DEPDC5: variants seen among roughly 807,000 people sequenced by gnomAD.
The protein encoded by DEPDC5 is GATOR1 complex protein DEPDC5.
A neutral mutation model predicts 217.3 loss-of-function variants in DEPDC5; 73 were observed. That is an observed-to-expected ratio of 0.34 (90% CI 0.28 to 0.41). DEPDC5 has a LOEUF of 0.41. Among genes scored for constraint, DEPDC5 ranks in the 10% least tolerant of loss-of-function variants. The pLI, the probability that DEPDC5 is intolerant of heterozygous loss-of-function variation, is 1.00. For synonymous variants in DEPDC5, 733 were observed against 756.7 expected (o/e 0.97, Z 0.51); for missense variants, 1,675 against 2,070.1 (o/e 0.81, Z 3.70).
chr22:31,764,804 T>C (rs911053569), intron 4 of DEPDC5, among the ~76,000 whole-genome samples, 171 bp from the exon 5 acceptor site: 2 of 152,176 alleles, frequency 1.3e-5, no homozygotes, highest in African/African-American at 4.8e-5. Flanking sequence ...TTATTTCACC[T>C]AAAAAGCAGA....
chr22:31,870,459 G>C, intron 33 of DEPDC5, 131 bp from the exon 34 acceptor site: 1 of 1,034,906 alleles, frequency 9.7e-7, no homozygotes, highest in Non-Finnish European at 1.3e-6. Flanking sequence ...GAGCAGAATG[G>C]GAAGGATTGC....
intron 33 of DEPDC5, among the ~76,000 whole-genome samples, chr22:31,866,361 T>C (rs1484810761): frequency 6.6e-6 from 1 of 152,144 alleles, no homozygotes; most frequent in Non-Finnish European, 1.5e-5. Flanking sequence ...TCTCTTCTAA[T>C]CTGTGACTGT....
intron 32 of DEPDC5, among the ~76,000 whole-genome samples, chr22:31,860,047 A>C (rs2092454594): frequency 6.6e-6 from 1 of 152,214 alleles, no homozygotes; most frequent in Non-Finnish European, 1.5e-5. Context: ...AAGCAGAGAA[A>C]TTATAGTCGC....
At chr22:31,864,589 C>G (rs997841547) in intron 33 of DEPDC5, among the ~76,000 whole-genome samples, 1 of 147,532 alleles carries the variant, frequency 6.8e-6, no homozygotes, top group Non-Finnish European at 1.5e-5. Flanking sequence ...AAAATAATTT[C>G]TTTGTAGGGT....
At chr22:31,834,458 T>G (rs1473632358) in intron 25 of DEPDC5, among the ~76,000 whole-genome samples, 1 of 152,104 alleles carries the variant, frequency 6.6e-6, no homozygotes, top group Non-Finnish European at 1.5e-5. Context: ...ATCCTACCAT[T>G]TGATAAACTT....
At chr22:31,869,457 T>C (rs1222877989) in intron 33 of DEPDC5, among the ~76,000 whole-genome samples, 3 of 150,870 alleles carry the variant, frequency 2.0e-5, no homozygotes, top group Non-Finnish European at 4.4e-5. Context: ...CCCTGCTACT[T>C]GAGAGTCTGA....
intron 12 of DEPDC5, among the ~76,000 whole-genome samples, chr22:31,796,065 G>GCCAATCCATGTTAAACACACTGCT (rs1486192727): frequency 1.3e-5 from 2 of 148,300 alleles, no homozygotes; most frequent in East Asian, 4.0e-4. Context: ...TATCACAAAT[G>GCCAATCCATGTTAAACACACTGCT]CCAATCCATG....
At chr22:31,763,909 A>G (rs1404796865) in intron 4 of DEPDC5, among the ~76,000 whole-genome samples, 1 of 151,592 alleles carries the variant, frequency 6.6e-6, no homozygotes, top group East Asian at 1.9e-4. Context: ...TTTTTATGTT[A>G]TGTTATGTTA....
At chr22:31,764,251 T>C (rs1042914461) in intron 4 of DEPDC5, among the ~76,000 whole-genome samples, 1 of 152,174 alleles carries the variant, frequency 6.6e-6, no homozygotes. Context: ...ATGGCCTTCA[T>C]ACCTTCCCCT....
In DEPDC5 at chr22:31,897,114, C is replaced by CAA. The variant is rs370146591; in HGVS notation, c.4204-357_4204-356dup. On this transcript the variant is annotated intron_variant, in intron 39 of 42. Coordinates refer to ENST00000651528, the MANE Select transcript of DEPDC5 (RefSeq NM_001242896.3). ...CCTGGGCAACAGAGAAAGACTGTCT[C>CAA]AAAAAAAAAAAAGGACAAAATTAGA... is the stretch of plus-strand genomic sequence containing the variant. 5.0e-5 allele frequency among the ~76,000 whole-genome samples: 7 copies of CAA among 139,758 alleles called. No individual in the cohort carries two copies. The East Asian group carries it at 8.2e-4, about 16-fold the overall frequency. 91.7% of individuals were successfully genotyped at this position (139,758 alleles called of 152,430 possible).
chr22:31,821,431 G>A, intron 22 of DEPDC5, 71 bp from the exon 23 acceptor site: 1 of 1,578,490 alleles, frequency 6.3e-7, no homozygotes, highest in Non-Finnish European at 8.7e-7. Flanking sequence ...GGAAAGAAGG[G>A]AGAGTATAGT....
chr22:31,887,120 T>C (rs1345106809), intron 38 of DEPDC5, among the ~76,000 whole-genome samples: 1 of 140,420 alleles, frequency 7.1e-6, no homozygotes, highest in African/African-American at 2.7e-5. Context: ...AAGCAGTATA[T>C]AGAAAAGTAA....
At chr22:31,893,481 G>A (rs1470580098) in intron 38 of DEPDC5, 101 bp from the exon 39 acceptor site, 8 of 1,182,658 alleles carry the variant, frequency 6.8e-6, no homozygotes, top group African/African-American at 6.4e-5. Context: ...TTTCTTTTAG[G>A]CACTTGTATA....
intron 38 of DEPDC5, among the ~76,000 whole-genome samples, chr22:31,881,793 A>G (rs776372994): frequency 8.6e-5 from 13 of 151,904 alleles, no homozygotes; most frequent in Non-Finnish European, 1.9e-4. Context: ...TAAAAATACA[A>G]AAATTACCTG....
At chr22:31,807,424 T>C (rs77898973) in intron 18 of DEPDC5, among the ~76,000 whole-genome samples, 4,744 of 152,244 alleles carry the variant, frequency 0.031, 155 homozygotes, top group Admixed American at 0.1. Context: ...TAACAAGTGT[T>C]TGTTGTTGTC....
At chr22:31,873,422 C>A in intron 35 of DEPDC5, 90 bp downstream of exon 35, 1 of 1,397,496 alleles carries the variant, frequency 7.2e-7, no homozygotes, top group Non-Finnish European at 9.9e-7. Flanking sequence ...TAGATTTGTA[C>A]ATGACTGTAC....
chr22:31,847,042 G>C (rs1314202458), intron 31 of DEPDC5, 75 bp downstream of exon 31: 3 of 1,597,468 alleles, frequency 1.9e-6, no homozygotes, highest in Non-Finnish European at 2.6e-6. Flanking sequence ...GTTCCCTTGA[G>C]GGGGTGAAAT....
At chr22:31,776,286 A>AT (rs1241843311) in intron 7 of DEPDC5, among the ~76,000 whole-genome samples, 1 of 151,364 alleles carries the variant, frequency 6.6e-6, no homozygotes, top group Admixed American at 6.6e-5. Flanking sequence ...AATTTTTTGT[A>AT]TTTTTTATAG....
chr22:31,826,394 T>C (rs2090146390), intron 24 of DEPDC5: 1 of 378,350 alleles, frequency 2.6e-6, no homozygotes, highest in African/African-American at 2.1e-5. Flanking sequence ...ATAGGAGCTG[T>C]TGTTGTCATT....
Sources: allele counts gnomAD v4.1 joint callset (sites outside exome capture counted in the v4.1 genomes callset), GRCh38; gene constraint gnomAD v4.1.1; transcripts MANE v1.5; gene names NCBI Gene and HGNC (gene_info 2026-07-23, HGNC 2026-07-21).